The following MTMR8 variants were observed in gnomAD, a reference collection of about 807,000 sequenced individuals.
The protein encoded by MTMR8 is myotubularin related protein 8, also known as phosphatidylinositol-3,5-bisphosphate 3-phosphatase MTMR8.
In MTMR8, 65 loss-of-function variants were observed where a neutral mutation model predicts 39.3. The observed-to-expected ratio is 1.65, with a 90% CI of 1.35 to 2.03. The LOEUF is 2.03. Among genes scored for constraint, MTMR8 ranks in the 30% most tolerant of loss-of-function variants. The probability of loss-of-function intolerance (pLI) is 0.00; values close to 1 mark genes in which losing one functional copy is unlikely to be tolerated. For synonymous variants in MTMR8, 245 were observed against 185.2 expected (o/e 1.32, Z -2.62); for missense variants, 777 against 538.9 (o/e 1.44, Z -4.37).
In MTMR8 at chrX:64,269,000, CA is replaced by C. The variant is rs1308666130; in HGVS notation, c.1651del (p.Cys551AlafsTer4). ...GGATAATATGTTTCCTAATTGAGAG[CA>C]GGTACAGATCTCTTCTGGTGGCTCA... ...RDEPPEEICT[C>X]SQLGNILSQH... On this transcript the variant is annotated frameshift_variant, in exon 14 of 14. Transcript: ENST00000374852. LOFTEE classifies it low-confidence loss of function (END_TRUNC). 1 of 1,211,543 alleles carries C rather than the reference CA, an allele frequency of 8.3e-7. No homozygotes were observed. The highest frequency in any genetic ancestry group is 3.0e-5 in the East Asian group (1 of 33,831).
chrX:64,361,647 T>C (rs188731084), intron 1 of MTMR8, among the ~76,000 whole-genome samples: 92 of 111,189 alleles, frequency 8.3e-4, no homozygotes, highest in Admixed American at 8.0e-3. Flanking sequence ...ATAATGATAA[T>C]CCTTAGTAAA....
chrX:64,283,424 C>A (rs1921035465), intron 12 of MTMR8, among the ~76,000 whole-genome samples: 1 of 112,136 alleles, frequency 8.9e-6, no homozygotes, highest in Non-Finnish European at 1.9e-5. Context: ...CAAAAGGCAG[C>A]AGAAACCTCT....
chrX:64,300,078 T>C (rs1447837926), intron 12 of MTMR8, among the ~76,000 whole-genome samples: 3 of 99,997 alleles, frequency 3.0e-5, no homozygotes, highest in Non-Finnish European at 6.1e-5. Context: ...TGGAGAGTTC[T>C]GTAGATGTCT....
At chrX:64,315,135 A>G (rs1258496422) in intron 12 of MTMR8, among the ~76,000 whole-genome samples, 2 of 112,084 alleles carry the variant, frequency 1.8e-5, no homozygotes, top group Non-Finnish European at 3.8e-5. Context: ...ACTGGCTGGC[A>G]TGCTGCCCCT....
chrX:64,373,473 T>C (rs1281366634), intron 1 of MTMR8, among the ~76,000 whole-genome samples: 2 of 111,912 alleles, frequency 1.8e-5, no homozygotes, highest in East Asian at 5.6e-4. Flanking sequence ...CCTTCTGCCA[T>C]GACTGAAAAT....
In MTMR8 at chrX:64,343,533, T is replaced by C. The variant is rs774856861; in HGVS notation, c.975+78A>G. 519 of 598,024 alleles carry C rather than the reference T, an allele frequency of 8.7e-4. 2 individuals carry two copies. Among genetic ancestry groups the C allele is most frequent in the Non-Finnish European group, 7.1e-4 (267 of 378,212 alleles). 49.3% of individuals were successfully genotyped at this position (598,024 alleles called of 1,213,427 possible). Reference sequence around the variant, plus strand: ...GAAACTAGATTTCTTTTCAATATTCTTTCCACCATGGCACACTACTACTTC... The same window carrying C: ...GAAACTAGATTTCTTTTCAATATTCCTTCCACCATGGCACACTACTACTTC... On this transcript the variant is annotated intron_variant, in intron 8 of 13. Transcript: ENST00000374852.
intron 1 of MTMR8, among the ~76,000 whole-genome samples, chrX:64,364,523 G>A (rs1487568314): frequency 1.8e-5 from 2 of 111,950 alleles, no homozygotes; most frequent in Non-Finnish European, 3.8e-5. Context: ...TGAGGGACCT[G>A]ACTATTAGAA....
At chrX:64,366,323 G>A (rs185035643) in intron 1 of MTMR8, among the ~76,000 whole-genome samples, 25 of 111,445 alleles carry the variant, frequency 2.2e-4, no homozygotes, top group East Asian at 5.6e-4. Flanking sequence ...GCACTACATC[G>A]CACTTATTCC....
At chrX:64,391,764 C>T (rs1448881024) in intron 1 of MTMR8, among the ~76,000 whole-genome samples, 3 of 112,064 alleles carry the variant, frequency 2.7e-5, no homozygotes, top group Non-Finnish European at 5.6e-5. Context: ...ATTTTCAACA[C>T]CATCTTATAG....
chrX:64,283,461 G>C (rs901782965), intron 12 of MTMR8, among the ~76,000 whole-genome samples: 4 of 112,074 alleles, frequency 3.6e-5, no homozygotes, highest in Non-Finnish European at 7.5e-5. Context: ...CTGTCTGACA[G>C]CTTGGAAGAC....
At chrX:64,278,682 C>T (rs895009297) in intron 12 of MTMR8, among the ~76,000 whole-genome samples, 4 of 109,426 alleles carry the variant, frequency 3.7e-5, no homozygotes, top group Admixed American at 2.9e-4. Context: ...CCATGTTCAT[C>T]AGGCTGGTCT....
chrX:64,390,113 A>T (rs1479235099), intron 1 of MTMR8, among the ~76,000 whole-genome samples: 2 of 111,997 alleles, frequency 1.8e-5, no homozygotes, highest in African/African-American at 6.5e-5. Flanking sequence ...AATAAAAGAC[A>T]GATCTACAAA....
chrX:64,385,532 A>G (rs976656045), intron 1 of MTMR8, among the ~76,000 whole-genome samples: 2 of 111,809 alleles, frequency 1.8e-5, no homozygotes, highest in Non-Finnish European at 3.8e-5. Context: ...TAAAGACAAA[A>G]GGTTTAATTG....
intron 13 of MTMR8, among the ~76,000 whole-genome samples, chrX:64,269,385 C>T (rs779526503): frequency 9.0e-6 from 1 of 111,542 alleles, no homozygotes; most frequent in East Asian, 2.8e-4. Flanking sequence ...TCCTTTTATC[C>T]TTATAATAAA....
intron 11 of MTMR8, 134 bp downstream of exon 11, chrX:64,331,423 C>T (rs1334318978): frequency 7.7e-6 from 4 of 520,271 alleles, no homozygotes; most frequent in Non-Finnish European, 9.7e-6. Context: ...GTGCTTTATG[C>T]TTCAAAAGTT....
chrX:64,392,967 C>T (rs1473350124), intron 1 of MTMR8, among the ~76,000 whole-genome samples: 2 of 111,800 alleles, frequency 1.8e-5, no homozygotes, highest in African/African-American at 6.5e-5. Context: ...AAAACAGACT[C>T]ACAGCAGCAT....
intron 1 of MTMR8, among the ~76,000 whole-genome samples, chrX:64,362,471 GAAAAAAAAAAAAAAAA>G (rs760545171): frequency 3.6e-3 from 20 of 5,499 alleles, no homozygotes; most frequent in African/African-American, 9.1e-3. Context: ...TACTATTGCA[GAAAAAAAAAAAAAAAA>G]AAAAAAAAAA....
At chrX:64,394,648 TGA>T (rs2147252104) in intron 1 of MTMR8, among the ~76,000 whole-genome samples, 1 of 111,451 alleles carries the variant, frequency 9.0e-6, no homozygotes, top group East Asian at 2.8e-4. Flanking sequence ...TCTGGAAAGA[TGA>T]GAGGAAAAAG....
chrX:64,320,701 C>T (rs1477161754), intron 12 of MTMR8, among the ~76,000 whole-genome samples: 1 of 110,695 alleles, frequency 9.0e-6, no homozygotes, highest in Non-Finnish European at 1.9e-5. Flanking sequence ...AAAGCTCCTG[C>T]AAATATCAGG....
Sources: allele counts gnomAD v4.1 joint callset (sites outside exome capture counted in the v4.1 genomes callset), GRCh38; gene constraint gnomAD v4.1.1; transcripts MANE v1.5; gene names NCBI Gene and HGNC (gene_info 2026-07-23, HGNC 2026-07-21).